The following PALM2AKAP2 variants were observed in gnomAD, a reference collection of about 807,000 sequenced individuals.
The protein encoded by PALM2AKAP2 is PALM2 and AKAP2 fusion.
A neutral mutation model predicts 71.5 loss-of-function variants in PALM2AKAP2; 37 were observed. That is an observed-to-expected ratio of 0.52 (90% CI 0.40 to 0.68). PALM2AKAP2 has a LOEUF of 0.68. PALM2AKAP2 is among the 30% of genes least tolerant of loss of function. PALM2AKAP2 has a pLI of 0.00. For synonymous variants in PALM2AKAP2, 468 were observed against 478.8 expected (o/e 0.98, Z 0.29); for missense variants, 1,224 against 1,191.8 (o/e 1.03, Z -0.40).
At chr9:109,795,490 TA>T (rs1172231558) in intron 1 of PALM2AKAP2, among the ~76,000 whole-genome samples, 1 of 152,142 alleles carries the variant, frequency 6.6e-6, no homozygotes, top group Admixed American at 6.5e-5. Flanking sequence ...AAAATAAAAT[TA>T]AAAAAATGGT....
chr9:109,940,228 A>G (rs1346750897), intron 6 of PALM2AKAP2, among the ~76,000 whole-genome samples: 1 of 152,202 alleles, frequency 6.6e-6, no homozygotes, highest in African/African-American at 2.4e-5. Context: ...CCCTCAAAAG[A>G]TCCTAAAAAT....
chr9:109,833,384 A>G (rs577018080), intron 1 of PALM2AKAP2, among the ~76,000 whole-genome samples: 1 of 152,182 alleles, frequency 6.6e-6, no homozygotes, highest in African/African-American at 2.4e-5. Context: ...TAAAACATGA[A>G]GTTCCCAACC....
chr9:109,918,327 G>A (rs1005742019), intron 3 of PALM2AKAP2, among the ~76,000 whole-genome samples: 1 of 152,162 alleles, frequency 6.6e-6, no homozygotes, highest in Non-Finnish European at 1.5e-5. Context: ...ATCTATTGGG[G>A]TTAGGTACAT....
intron 1 of PALM2AKAP2, chr9:110,048,969 A>AC: frequency 7.5e-7 from 1 of 1,339,108 alleles, no homozygotes; most frequent in East Asian, 2.9e-5. Context: ...CCTCGGAAGC[A>AC]CCGCGGGCTT....
At chr9:109,941,705 G>A (rs1831374240) in intron 6 of PALM2AKAP2, among the ~76,000 whole-genome samples, 1 of 152,172 alleles carries the variant, frequency 6.6e-6, no homozygotes, top group Non-Finnish European at 1.5e-5. Context: ...TTGGAAGTAT[G>A]AGGTGTCACA....
chr9:109,888,952 T>C (rs982228175), intron 3 of PALM2AKAP2, among the ~76,000 whole-genome samples: 9 of 152,206 alleles, frequency 5.9e-5, no homozygotes, highest in African/African-American at 2.2e-4. Context: ...CAGACATTGC[T>C]GAATGTTGCC....
chr9:109,676,523 A>G (rs758488122), intron 1 of PALM2AKAP2, among the ~76,000 whole-genome samples: 8 of 152,210 alleles, frequency 5.3e-5, no homozygotes, highest in Non-Finnish European at 8.8e-5. Context: ...GAGACTTTTC[A>G]TATAGAATCA....
At chr9:109,958,139 T>G (rs1564233545) in intron 6 of PALM2AKAP2, among the ~76,000 whole-genome samples, 1 of 147,064 alleles carries the variant, frequency 6.8e-6, no homozygotes, top group Non-Finnish European at 1.5e-5. Flanking sequence ...TTTGAGGCAG[T>G]TGATTGAAAA....
intron 1 of PALM2AKAP2, among the ~76,000 whole-genome samples, chr9:109,836,686 G>T (rs1479338724): frequency 1.3e-5 from 2 of 152,216 alleles, no homozygotes; most frequent in East Asian, 1.9e-4. Flanking sequence ...GTCCTTAAAT[G>T]ACCTGATGGA....
chr9:109,908,699 AC>A (rs1247129821), intron 3 of PALM2AKAP2, among the ~76,000 whole-genome samples: 4 of 152,170 alleles, frequency 2.6e-5, no homozygotes, highest in African/African-American at 9.7e-5. Context: ...TGAAAACACT[AC>A]CAGTCTCTCC....
intron 1 of PALM2AKAP2, among the ~76,000 whole-genome samples, chr9:109,858,693 C>T (rs1343619777): frequency 6.6e-6 from 1 of 152,118 alleles, no homozygotes. Context: ...TTTCAGAGTC[C>T]TCTACCATTC....
intron 1 of PALM2AKAP2, among the ~76,000 whole-genome samples, chr9:109,858,396 C>T (rs1333127067): frequency 2.6e-5 from 4 of 152,140 alleles, no homozygotes; most frequent in Admixed American, 6.5e-5. Context: ...CGTGTGAAGT[C>T]GTTGTTCTCC....
chr9:109,885,622 G>A (rs1192728354), intron 3 of PALM2AKAP2, among the ~76,000 whole-genome samples: 25 of 152,178 alleles, frequency 1.6e-4, no homozygotes, highest in Admixed American at 1.6e-3. Context: ...TCACACACAA[G>A]GATAAAGGAC....
intron 1 of PALM2AKAP2, among the ~76,000 whole-genome samples, chr9:109,667,436 G>T (rs1486970031): frequency 6.6e-6 from 1 of 152,138 alleles, no homozygotes; most frequent in East Asian, 1.9e-4. Context: ...CAGAGGTCAT[G>T]GTTCAATAAT....
At chr9:109,692,173 T>A (rs112837660) in intron 1 of PALM2AKAP2, among the ~76,000 whole-genome samples, 1 of 151,396 alleles carries the variant, frequency 6.6e-6, no homozygotes, top group African/African-American at 2.4e-5. Flanking sequence ...TTCATAAAGT[T>A]GTGCAAAAAT....
intron 1 of PALM2AKAP2, among the ~76,000 whole-genome samples, chr9:109,846,340 G>T (rs1828858911): frequency 6.6e-6 from 1 of 152,136 alleles, no homozygotes; most frequent in Non-Finnish European, 1.5e-5. Context: ...TCTCATGGCT[G>T]CCACCCACAT....
intron 1 of PALM2AKAP2, among the ~76,000 whole-genome samples, chr9:110,077,965 G>C (rs548569132): frequency 6.7e-6 from 1 of 150,344 alleles, no homozygotes; most frequent in Non-Finnish European, 1.5e-5. Context: ...AGTGAGCCGA[G>C]ATCGCGCTAC....
At chr9:109,975,750 C>T (rs938359705) in intron 6 of PALM2AKAP2, among the ~76,000 whole-genome samples, 1 of 152,128 alleles carries the variant, frequency 6.6e-6, no homozygotes, top group Non-Finnish European at 1.5e-5. Flanking sequence ...GGGCAGAGAA[C>T]CTGCAAAAAT....
intron 1 of PALM2AKAP2, among the ~76,000 whole-genome samples, chr9:109,648,503 T>C (rs749762228): frequency 3.9e-5 from 6 of 152,202 alleles, no homozygotes; most frequent in Admixed American, 2.0e-4. Context: ...ATTACATATA[T>C]ACTTTGTCAG....
Sources: allele counts gnomAD v4.1 joint callset (sites outside exome capture counted in the v4.1 genomes callset), GRCh38; gene constraint gnomAD v4.1.1; transcripts MANE v1.5; gene names NCBI Gene and HGNC (gene_info 2026-07-23, HGNC 2026-07-21).